The following GPR176 variants were observed in gnomAD, a reference collection of about 807,000 sequenced individuals.
The protein encoded by GPR176 is G-protein coupled receptor 176.
Under a neutral mutation model 35.4 loss-of-function variants are expected in GPR176, and 26 were observed. That is an observed-to-expected ratio of 0.74 (90% CI 0.54 to 1.02). The LOEUF (loss-of-function observed/expected upper bound fraction) is 1.02. GPR176 is among the 50% of genes least tolerant of loss of function. The pLI, the probability that GPR176 is intolerant of heterozygous loss-of-function variation, is 0.00. For synonymous variants in GPR176, 278 were observed against 271.3 expected (o/e 1.02, Z -0.24); for missense variants, 597 against 665.3 (o/e 0.90, Z 1.13).
rs201913127 is a variant in GPR176 at position 39,904,907 on chromosome 15, T to C, written c.172+14948A>G. ...ATTTGCAGGGAGCAAGGACAGAATA[T>C]GAGAGGGCATCATCACCATCAAGGA... On this transcript the variant is annotated intron_variant, in intron 1 of 2. Coordinates refer to ENST00000561100, the MANE Select transcript of GPR176 (RefSeq NM_007223.3). Among the ~76,000 whole-genome samples the C allele has an allele frequency of 2.0e-5, 3 of 152,174 alleles. No individual in the cohort carries two copies. In the East Asian group the frequency reaches 5.8e-4, roughly 29 times the overall value.
At chr15:39,846,759 A>G (rs941684405) in intron 1 of GPR176, among the ~76,000 whole-genome samples, 2 of 152,156 alleles carry the variant, frequency 1.3e-5, no homozygotes, top group African/African-American at 2.4e-5. Flanking sequence ...AATGAAGGAG[A>G]AGCAGACCTA....
intron 1 of GPR176, among the ~76,000 whole-genome samples, chr15:39,906,204 A>T (rs1294330841): frequency 6.6e-6 from 1 of 152,204 alleles, no homozygotes; most frequent in African/African-American, 2.4e-5. Context: ...TTGTGCAAAA[A>T]GCATGGTTTT....
intron 1 of GPR176, among the ~76,000 whole-genome samples, chr15:39,835,518 C>CT (rs1224954644): frequency 1.3e-5 from 2 of 151,826 alleles, no homozygotes; most frequent in Non-Finnish European, 2.9e-5. Context: ...GAGCTCTGCC[C>CT]CAAAAAATTC....
intron 1 of GPR176, among the ~76,000 whole-genome samples, chr15:39,916,105 GC>G (rs1374497622): frequency 6.6e-6 from 1 of 152,154 alleles, no homozygotes; most frequent in African/African-American, 2.4e-5. Flanking sequence ...CCAGAGAGGA[GC>G]CCAGTTCTCT....
intron 1 of GPR176, among the ~76,000 whole-genome samples, chr15:39,810,834 A>G (rs552876064): frequency 6.6e-5 from 10 of 152,356 alleles, no homozygotes; most frequent in East Asian, 3.9e-4. Flanking sequence ...CTTAGTATAC[A>G]CCTTGTGATG....
At chr15:39,872,709 AAGAG>A (rs1355005361) in intron 1 of GPR176, among the ~76,000 whole-genome samples, 1 of 152,154 alleles carries the variant, frequency 6.6e-6, no homozygotes, top group Non-Finnish European at 1.5e-5. Context: ...AAGCAAGAGC[AAGAG>A]AGAGAGTTGG....
At chr15:39,813,976 A>G (rs539786081) in intron 1 of GPR176, among the ~76,000 whole-genome samples, 123 of 152,330 alleles carry the variant, frequency 8.1e-4, no homozygotes, top group African/African-American at 2.9e-3. Flanking sequence ...CACAAATGGC[A>G]TGTGAGAAAG....
intron 1 of GPR176, among the ~76,000 whole-genome samples, chr15:39,858,712 A>G (rs2031405017): frequency 6.6e-6 from 1 of 152,096 alleles, no homozygotes; most frequent in Admixed American, 6.6e-5. Context: ...GAAAAAAAGG[A>G]TAATAACTCA....
chr15:39,857,795 C>T (rs1191639395), intron 1 of GPR176, among the ~76,000 whole-genome samples: 15 of 150,246 alleles, frequency 1.0e-4, no homozygotes, highest in African/African-American at 2.2e-4. Context: ...GGTGAAACCC[C>T]GTCTCTACTA....
At chr15:39,812,452 T>TA in intron 1 of GPR176, among the ~76,000 whole-genome samples, 1 of 152,222 alleles carries the variant, frequency 6.6e-6, no homozygotes, top group African/African-American at 2.4e-5. Flanking sequence ...TCCACGTTCT[T>TA]CAGCTTTTGG....
intron 1 of GPR176, among the ~76,000 whole-genome samples, chr15:39,849,891 G>A (rs1415181848): frequency 6.6e-6 from 1 of 152,044 alleles, no homozygotes. Flanking sequence ...AAACCTAGAT[G>A]GCACAGTCTA....
intron 1 of GPR176, among the ~76,000 whole-genome samples, chr15:39,891,823 A>C (rs1247680754): frequency 6.6e-6 from 1 of 152,224 alleles, no homozygotes; most frequent in Non-Finnish European, 1.5e-5. Context: ...TGGATGACAG[A>C]GAGAGACCTT....
rs573845586 is a variant in GPR176 at position 39,858,544 on chromosome 15, T to C, written c.173-51286A>G. On this transcript the variant is annotated intron_variant, in intron 1 of 2. Transcript: ENST00000561100. ...CAGCCTGGGCAACATGATGAGACTT[T>C]GTTTTTACAAATCAAAAAATCAGCT... 2.8e-4 allele frequency among the ~76,000 whole-genome samples: 42 copies of C among 152,124 alleles called. No homozygotes were observed. In the South Asian group the frequency reaches 4.2e-3, roughly 15 times the overall value.
chr15:39,857,394 C>T (rs964044394), intron 1 of GPR176, among the ~76,000 whole-genome samples: 1 of 152,264 alleles, frequency 6.6e-6, no homozygotes, highest in East Asian at 1.9e-4. Context: ...AAAGGAAATA[C>T]GGCTGGGCAC....
intron 1 of GPR176, among the ~76,000 whole-genome samples, chr15:39,857,563 G>A (rs189808446): frequency 2.0e-4 from 30 of 151,918 alleles, no homozygotes; most frequent in Non-Finnish European, 3.4e-4. Context: ...CCAGCTACTC[G>A]GAAAGATGAG....
intron 1 of GPR176, among the ~76,000 whole-genome samples, chr15:39,895,965 C>T (rs1027592618): frequency 2.0e-5 from 3 of 152,182 alleles, no homozygotes; most frequent in Non-Finnish European, 2.9e-5. Flanking sequence ...AAGCAAAACT[C>T]TCTTCCTAGA....
At chr15:39,830,638 G>A (rs1448640896) in intron 1 of GPR176, among the ~76,000 whole-genome samples, 1 of 152,222 alleles carries the variant, frequency 6.6e-6, no homozygotes, top group Admixed American at 6.5e-5. Context: ...GCCAATTAAA[G>A]TGACTCTACT....
intron 1 of GPR176, among the ~76,000 whole-genome samples, chr15:39,827,628 T>C (rs1242127701): frequency 6.6e-6 from 1 of 152,218 alleles, no homozygotes; most frequent in Non-Finnish European, 1.5e-5. Flanking sequence ...CTTAGAATTT[T>C]ATTTTTATTT....
chr15:39,854,180 G>C (rs1449554176), intron 1 of GPR176, among the ~76,000 whole-genome samples: 3 of 152,076 alleles, frequency 2.0e-5, no homozygotes, highest in African/African-American at 7.2e-5. Context: ...AGTTGCTCAG[G>C]AAAGCAGACA....
Sources: allele counts gnomAD v4.1 joint callset (sites outside exome capture counted in the v4.1 genomes callset), GRCh38; gene constraint gnomAD v4.1.1; transcripts MANE v1.5; gene names NCBI Gene and HGNC (gene_info 2026-07-23, HGNC 2026-07-21).